Variants in SP4 observed in about 807,000 individuals in gnomAD.
The protein encoded by SP4 is transcription factor Sp4.
A neutral mutation model predicts 72.8 loss-of-function variants in SP4; 19 were observed. The observed-to-expected ratio is 0.26, with a 90% CI of 0.18 to 0.38. SP4 has a LOEUF of 0.38. SP4 is among the 10% of genes least tolerant of loss of function. The pLI is 1.00. For missense variants in SP4, 1,008 were observed against 926.3 expected (o/e 1.09, Z -1.14); for synonymous variants, 395 against 333.1 (o/e 1.19, Z -2.02).
Position 21,511,595 on chromosome 7 carries a change from C to T in SP4, c.*326C>T. The T allele has an allele frequency of 4.7e-6, 1 of 211,728 alleles. No homozygotes were observed. The highest frequency in any genetic ancestry group is 9.6e-6 in the Non-Finnish European group (1 of 104,074). 13.1% of individuals were successfully genotyped at this position (211,728 alleles called of 1,614,324 possible). A position where few individuals can be genotyped will look rare whatever the true frequency, so the allele number is the denominator to read the frequency against. On this transcript the variant is annotated 3_prime_UTR_variant, in exon 6 of 6. Coordinates refer to ENST00000222584, the MANE Select transcript of SP4 (RefSeq NM_003112.5). ...TGTTTAAAAAGACCTTAGTAGTTTG[C>T]AGGCTGGACCTTAATTGGACTTATT...
chr7:21,476,334 G>A (rs1784500978), intron 3 of SP4, among the ~76,000 whole-genome samples: 1 of 145,214 alleles, frequency 6.9e-6, no homozygotes, highest in Non-Finnish European at 1.5e-5. Context: ...CATGCCAATA[G>A]ATTTTTTTAT....
intron 3 of SP4, among the ~76,000 whole-genome samples, chr7:21,441,640 G>A (rs1003032283): frequency 1.3e-5 from 2 of 152,144 alleles, no homozygotes; most frequent in Admixed American, 6.5e-5. Context: ...TAGAAAGCAG[G>A]AGCTCAGATA....
intron 5 of SP4, among the ~76,000 whole-genome samples, 197 bp downstream of exon 5, chr7:21,482,320 A>G (rs1320509821): frequency 6.6e-6 from 1 of 152,164 alleles, no homozygotes; most frequent in African/African-American, 2.4e-5. Context: ...CTTTTTGTAA[A>G]CTTTATCAGC....
intron 5 of SP4, among the ~76,000 whole-genome samples, chr7:21,487,086 C>T (rs1784834774): frequency 1.3e-5 from 2 of 152,178 alleles, no homozygotes; most frequent in African/African-American, 4.8e-5. Context: ...TTGGTATGGT[C>T]TCATGAGTAG....
intron 5 of SP4, among the ~76,000 whole-genome samples, chr7:21,493,503 T>A (rs1479984455): frequency 2.6e-5 from 4 of 152,010 alleles, no homozygotes; most frequent in Non-Finnish European, 5.9e-5. Context: ...GAAGAGCCAA[T>A]TAAATTCAAA....
At chr7:21,494,499 ATAAG>A (rs751801125) in intron 5 of SP4, among the ~76,000 whole-genome samples, 15 of 152,230 alleles carry the variant, frequency 9.9e-5, no homozygotes, top group Non-Finnish European at 1.8e-4. Flanking sequence ...ATAACGGGAT[ATAAG>A]TAGTTTATAA....
intron 5 of SP4, among the ~76,000 whole-genome samples, chr7:21,501,760 G>T (rs535476598): frequency 2.0e-5 from 3 of 152,236 alleles, no homozygotes; most frequent in South Asian, 4.1e-4. Flanking sequence ...GGGCAGTATT[G>T]TTGGGAATGA....
At chr7:21,485,514 G>GTT (rs1784790872) in intron 5 of SP4, among the ~76,000 whole-genome samples, 1 of 151,920 alleles carries the variant, frequency 6.6e-6, no homozygotes, top group African/African-American at 2.4e-5. Context: ...TGACTGTCAT[G>GTT]TATCTAAATC....
At chr7:21,510,220 A>G (rs1446708557) in intron 5 of SP4, among the ~76,000 whole-genome samples, 1 of 152,168 alleles carries the variant, frequency 6.6e-6, no homozygotes, top group Non-Finnish European at 1.5e-5. Flanking sequence ...GGAAAACAAC[A>G]TTTCAGTCCC....
chr7:21,457,328 C>T (rs1344811079), intron 3 of SP4, among the ~76,000 whole-genome samples: 1 of 152,110 alleles, frequency 6.6e-6, no homozygotes, highest in Non-Finnish European at 1.5e-5. Context: ...GGAAAACATA[C>T]ATAGTTATTT....
intron 3 of SP4, among the ~76,000 whole-genome samples, chr7:21,435,391 A>G (rs1783015164): frequency 6.6e-6 from 1 of 152,196 alleles, no homozygotes; most frequent in Non-Finnish European, 1.5e-5. Flanking sequence ...ATTATTGGTA[A>G]AAATAGGTAC....
chr7:21,438,147 G>A (rs1035483095), intron 3 of SP4, among the ~76,000 whole-genome samples: 2 of 152,080 alleles, frequency 1.3e-5, no homozygotes, highest in African/African-American at 4.8e-5. Context: ...TTAAAGATTG[G>A]ATGTTCATCG....
chr7:21,505,682 GTGTTTAGTCACCACA>G (rs759051037), intron 5 of SP4, among the ~76,000 whole-genome samples: 23,046 of 152,224 alleles, frequency 0.15, 2,367 homozygotes, highest in Non-Finnish European at 0.22. Context: ...AGAGGGTGTA[GTGTTTAGTCACCACA>G]GGGTGGTAGG....
At chr7:21,457,087 G>A (rs1052511641) in intron 3 of SP4, among the ~76,000 whole-genome samples, 32 of 152,340 alleles carry the variant, frequency 2.1e-4, no homozygotes, top group African/African-American at 7.0e-4. Context: ...TGTCACCAAA[G>A]TATGTATCTG....
intron 3 of SP4, among the ~76,000 whole-genome samples, chr7:21,447,121 G>C (rs1403119927): frequency 6.6e-6 from 1 of 152,126 alleles, no homozygotes; most frequent in African/African-American, 2.4e-5. Context: ...CCTTGCCAGC[G>C]GATACAGACC....
At chr7:21,491,036 G>T (rs1261921414) in intron 5 of SP4, among the ~76,000 whole-genome samples, 1 of 152,122 alleles carries the variant, frequency 6.6e-6, no homozygotes, top group Non-Finnish European at 1.5e-5. Flanking sequence ...CATACTATGA[G>T]CCACGTAAAG....
At chr7:21,482,868 T>C (rs1054827186) in intron 5 of SP4, 2 of 430,738 alleles carry the variant, frequency 4.6e-6, no homozygotes, top group African/African-American at 4.3e-5. Context: ...TGCTATATAA[T>C]ATTTTATCAC....
At chr7:21,488,126 G>T (rs1212689453) in intron 5 of SP4, among the ~76,000 whole-genome samples, 1 of 152,152 alleles carries the variant, frequency 6.6e-6, no homozygotes, top group Admixed American at 6.5e-5. Context: ...CAGCCTCCTG[G>T]AGTGTTGGGA....
chr7:21,463,965 A>G (rs1784081274), intron 3 of SP4, among the ~76,000 whole-genome samples: 1 of 152,296 alleles, frequency 6.6e-6, no homozygotes, highest in South Asian at 2.1e-4. Flanking sequence ...CATCTGTAAA[A>G]TGGCAGAAAT....
Sources: gnomAD v4.1 joint callset for allele counts (sites outside exome capture counted in the v4.1 genomes callset) on GRCh38, gnomAD v4.1.1 for gene constraint, MANE v1.5 for transcripts, NCBI Gene and HGNC (gene_info 2026-07-23, HGNC 2026-07-21) for gene names.